The following SOAT1 variants were observed in gnomAD, a reference collection of about 807,000 sequenced individuals.
SOAT1 encodes sterol O-acyltransferase 1.
A neutral mutation model predicts 69.5 loss-of-function variants in SOAT1; 55 were observed. The observed-to-expected ratio is 0.79, with a 90% CI of 0.64 to 0.99. The LOEUF is 0.99. Ranked by LOEUF, SOAT1 falls within the 50% of genes least tolerant of loss-of-function variation. The pLI, the probability that SOAT1 is intolerant of heterozygous loss-of-function variation, is 0.00. For missense variants in SOAT1, 580 were observed against 669.3 expected (o/e 0.87, Z 1.47); for synonymous variants, 231 against 224.7 (o/e 1.03, Z -0.25).
intron 2 of SOAT1, 99 bp downstream of exon 2, chr1:179,302,901 A>G: frequency 1.6e-6 from 1 of 618,092 alleles, no homozygotes; most frequent in Non-Finnish European, 2.8e-6. Flanking sequence ...CTTTATTGTA[A>G]ATGGGTATTG....
At chr1:179,294,137 C>T (rs536291037) in intron 1 of SOAT1, among the ~76,000 whole-genome samples, 4 of 152,364 alleles carry the variant, frequency 2.6e-5, no homozygotes, top group South Asian at 4.1e-4. Flanking sequence ...GCCCGGGTCA[C>T]GGGCAGCCTT....
intron 9 of SOAT1, among the ~76,000 whole-genome samples, chr1:179,343,158 A>G (rs1260480944): frequency 6.6e-6 from 1 of 152,176 alleles, no homozygotes; most frequent in East Asian, 1.9e-4. Context: ...TCATATGGTC[A>G]TAAATGATGT....
chr1:179,351,144 A>G lies in SOAT1; in HGVS notation c.1451-173A>G, dbSNP rs13306730. Among the ~76,000 whole-genome samples, 68,469 of 149,542 alleles carry G rather than the reference A, an allele frequency of 0.46. 15,643 individuals are homozygous for G. Among genetic ancestry groups the G allele is most frequent in the Non-Finnish European group, 0.49 (33,413 of 67,608 alleles). On this transcript the variant is annotated intron_variant, in intron 14 of 15. Transcript: ENST00000367619. ...CTGCAACCTCTGCCTCCCTGCTTCAAGTGATTCTCCTGCCTCAGCCTCCCG... is the reference window on the plus strand; with the variant it reads ...CTGCAACCTCTGCCTCCCTGCTTCAGGTGATTCTCCTGCCTCAGCCTCCCG...
chr1:179,334,020 T>C (rs1441820561), intron 3 of SOAT1, among the ~76,000 whole-genome samples: 1 of 152,230 alleles, frequency 6.6e-6, no homozygotes, highest in Non-Finnish European at 1.5e-5. Flanking sequence ...TTCCTTGCAA[T>C]GCTCTAGATG....
intron 13 of SOAT1, among the ~76,000 whole-genome samples, chr1:179,349,237 A>G (rs937610411): frequency 2.6e-5 from 4 of 152,224 alleles, no homozygotes; most frequent in Middle Eastern, 6.9e-3. Context: ...TGATCCACCA[A>G]TAATGGATAG....
chr1:179,335,192 T>A (rs1666107512), intron 3 of SOAT1, among the ~76,000 whole-genome samples: 1 of 151,962 alleles, frequency 6.6e-6, no homozygotes, highest in South Asian at 2.1e-4. Context: ...ACCCTATCTC[T>A]ACAAAAAATA....
intron 3 of SOAT1, among the ~76,000 whole-genome samples, chr1:179,335,225 C>T (rs1438453606): frequency 1.3e-5 from 2 of 151,914 alleles, no homozygotes; most frequent in Non-Finnish European, 2.9e-5. Flanking sequence ...GCAGTGGTGG[C>T]GCACACCTGT....
chr1:179,344,219 T>C (rs1666440845), intron 10 of SOAT1, among the ~76,000 whole-genome samples: 1 of 152,148 alleles, frequency 6.6e-6, no homozygotes, highest in Non-Finnish European at 1.5e-5. Flanking sequence ...GAGGTATATA[T>C]GTATGTGGGT....
chr1:179,325,934 A>G (rs927792803), intron 3 of SOAT1, among the ~76,000 whole-genome samples: 3 of 152,196 alleles, frequency 2.0e-5, no homozygotes, highest in African/African-American at 7.2e-5. Context: ...TAATGAATGA[A>G]ATAAGGGAAA....
rs972122092 is a variant in SOAT1 at position 179,323,514 on chromosome 1, T to C, written c.177+19T>C. On this transcript the variant is annotated intron_variant, in intron 3 of 15. Transcript: ENST00000367619. ...GGCAGAGGCAAGTAACTCCCTCTTC[T>C]AGAAACAAAAATGTAGAGTTTTAGA... The C allele has an allele frequency of 6.2e-7, 1 of 1,604,908 alleles. No individual in the cohort carries two copies. Among genetic ancestry groups the C allele is most frequent in the Non-Finnish European group, 8.5e-7 (1 of 1,172,872 alleles).
chr1:179,318,343 C>T (rs990706038), intron 2 of SOAT1, among the ~76,000 whole-genome samples: 1 of 152,078 alleles, frequency 6.6e-6, no homozygotes, highest in Non-Finnish European at 1.5e-5. Context: ...GCTCAGTATG[C>T]ACCATACATA....
intron 3 of SOAT1, among the ~76,000 whole-genome samples, chr1:179,332,278 G>T (rs773357994): frequency 2.0e-5 from 3 of 151,992 alleles, no homozygotes; most frequent in Non-Finnish European, 4.4e-5. Flanking sequence ...ATGTCTTTAG[G>T]ATAAAAAATT....
rs748141053 is a variant in SOAT1, at chr1:179,335,491, G to T, written c.178-15G>T. On this transcript the variant is annotated splice_polypyrimidine_tract_variant and intron_variant, in intron 3 of 15. Coordinates refer to ENST00000367619, the MANE Select transcript of SOAT1 (RefSeq NM_003101.6). ...GTATTAGTTCCCCATCTTTTTCTTT[G>T]TTTTAAAATTCTAGGAATTGAAGCC... is the stretch of plus-strand genomic sequence containing the variant. The T allele has an allele frequency of 1.9e-6, 3 of 1,601,208 alleles. No homozygotes were observed. Among genetic ancestry groups the T allele is most frequent in the Non-Finnish European group, 2.6e-6 (3 of 1,173,160 alleles).
chr1:179,343,118 T>C (rs1371905230), intron 9 of SOAT1, among the ~76,000 whole-genome samples, 175 bp downstream of exon 9: 1 of 152,146 alleles, frequency 6.6e-6, no homozygotes, highest in African/African-American at 2.4e-5. Context: ...AATTTGATTA[T>C]AGTAATTCTT....
Position 179,330,069 on chromosome 1 carries a change from A to G in SOAT1, c.178-5437A>G, listed in dbSNP as rs1291876035. The stretch of plus-strand genomic sequence containing the variant: ...AACCAATGGACTGAGACAGTGGTAA[A>G]GCAGTAGAGAAGGAGTTTAATGCAA... On this transcript the variant is annotated intron_variant, in intron 3 of 15. Coordinates refer to ENST00000367619, the MANE Select transcript of SOAT1 (RefSeq NM_003101.6). 3.9e-5 allele frequency among the ~76,000 whole-genome samples: 6 copies of G among 152,152 alleles called. No homozygotes were observed. In the East Asian group the frequency reaches 1.2e-3, roughly 29 times the overall value.
chr1:179,321,435 G>A (rs768742039), intron 2 of SOAT1, among the ~76,000 whole-genome samples: 3 of 152,188 alleles, frequency 2.0e-5, no homozygotes, highest in Admixed American at 1.3e-4. Flanking sequence ...CTCCCAAAGT[G>A]TGGGGATTGC....
intron 4 of SOAT1, 76 bp from the exon 5 acceptor site, chr1:179,337,761 T>G: frequency 1.9e-6 from 2 of 1,072,120 alleles, no homozygotes; most frequent in Non-Finnish European, 2.7e-6. Flanking sequence ...TATTGGTATA[T>G]TCTCTTGTCT....
chr1:179,358,266 G>A lies in SOAT1; in HGVS notation c.*4625G>A, dbSNP rs1275019743. On this transcript the variant is annotated 3_prime_UTR_variant, in exon 16 of 16. Coordinates refer to ENST00000367619, the MANE Select transcript of SOAT1 (RefSeq NM_003101.6). ...TAAAAAACTCTAAAACTTCTGTACT[G>A]TTTTTTTCTTAAGTGCTCTCTTCCT... 1 of 152,024 alleles carries A rather than the reference G, an allele frequency of 6.6e-6. No homozygotes were observed. Among genetic ancestry groups the A allele is most frequent in the African/African-American group, 2.4e-5 (1 of 41,382 alleles). The allele number at this position is 152,024 out of a possible 1,614,324, so 9.4% of individuals were successfully genotyped here.
chr1:179,302,297 T>A (rs10913709), intron 1 of SOAT1, among the ~76,000 whole-genome samples: 4 of 152,082 alleles, frequency 2.6e-5, no homozygotes, highest in African/African-American at 9.7e-5. Flanking sequence ...AAAGCTGATA[T>A]ATTGGTTTGC....
Sources: gnomAD v4.1 joint callset for allele counts (sites outside exome capture counted in the v4.1 genomes callset) on GRCh38, gnomAD v4.1.1 for gene constraint, MANE v1.5 for transcripts, NCBI Gene and HGNC (gene_info 2026-07-23, HGNC 2026-07-21) for gene names.